Variants in S1PR4 observed in about 807,000 individuals in gnomAD.
The protein encoded by S1PR4 is sphingosine 1-phosphate receptor 4.
Under a neutral mutation model 0.4 loss-of-function variants are expected in S1PR4, and 1 was observed. The observed-to-expected ratio is 2.48, with a 90% CI of 0.88 to 11.76. The LOEUF (loss-of-function observed/expected upper bound fraction) is 11.76, where lower values mean the gene tolerates loss of function less well. Ranked by LOEUF, S1PR4 falls within the 30% of genes most tolerant of loss-of-function variation. The probability of loss-of-function intolerance (pLI) is 0.12; values close to 1 mark genes in which losing one functional copy is unlikely to be tolerated. For missense variants in S1PR4, 595 were observed against 557.8 expected (o/e 1.07, Z -0.67); for synonymous variants, 296 against 266.7 (o/e 1.11, Z -1.07).
chr19:3,180,060 G>C lies in S1PR4; in HGVS notation c.*113G>C. 1.9e-6 allele frequency: 2 copies of C among 1,048,766 alleles called. No homozygotes were observed. Among genetic ancestry groups the C allele is most frequent in the Non-Finnish European group, 2.7e-6 (2 of 741,686 alleles). The allele number at this position is 1,048,766 out of a possible 1,614,324, so 65.0% of individuals were successfully genotyped here. ...CTCGCCTGTATGGGGAGCAGGGAACGGGACAGGCCCCCATGGTCTTCCCGG... is the reference window on the plus strand; with the variant it reads ...CTCGCCTGTATGGGGAGCAGGGAACCGGACAGGCCCCCATGGTCTTCCCGG... On this transcript the variant is annotated 3_prime_UTR_variant, in exon 1 of 1. Transcript: ENST00000246115.
rs149752284 is a variant in S1PR4, at chr19:3,179,716, C to T, written c.924C>T (p.Ser308=). The T allele has an allele frequency of 2.5e-6, 4 of 1,613,086 alleles. No individual in the cohort carries two copies. The African/African-American group carries it at 5.3e-5, about 22-fold the overall frequency. The change falls in exon 1 of 1, where the codon TCC becomes TCT. Residue 308 remains serine (S), a synonymous_variant. Transcript: ENST00000246115. ...CGGCGGTCAACCCCATCATCTACTC[C>T]TTCCGCAGCAGGGAGGTGTGCAGAG... The part of the protein sequence containing the change: ...LNSAVNPIIY[S]FRSREVCRAV...
In S1PR4 at chr19:3,179,047, G is replaced by A; in HGVS notation, c.255G>A (p.Leu85=). 1.9e-6 allele frequency: 3 copies of A among 1,608,106 alleles called. No individual in the cohort carries two copies. Among genetic ancestry groups the A allele is most frequent in the South Asian group, 2.2e-5 (2 of 90,980 alleles). ...MRSRRWVYYC[L]VNITLSDLLT... ...CGCGACGCTGGGTCTACTATTGCCT[G>A]GTGAACATCACGCTGAGTGACCTGC... The change falls in exon 1 of 1, where the codon CTG becomes CTA. Residue 85 remains leucine (L), a synonymous_variant. Transcript: ENST00000246115.
chr19:3,179,887 C>T lies in S1PR4; in HGVS notation c.1095C>T (p.Arg365=). Residue 365 remains arginine, a synonymous_variant, in exon 1 of 1, where the codon CGC becomes CGT. Transcript: ENST00000246115. ...LRPRDSFRGS[R]SLSFRMREPL... ...CAAGGGACAGCTTTCGCGGCTCCCG[C>T]TCGCTCAGCTTTCGGATGCGGGAGC... 6.5e-7 allele frequency: 1 copy of T among 1,528,364 alleles called. No homozygotes were observed. The highest frequency in any genetic ancestry group is 8.8e-7 in the Non-Finnish European group (1 of 1,139,220). 94.7% of individuals were successfully genotyped at this position (1,528,364 alleles called of 1,614,324 possible).
chr19:3,179,618 T>C lies in S1PR4; in HGVS notation c.826T>C (p.Phe276Leu). ...PLFGLLLADV[F>L]GSNLWAQEYL... ...CTTCGGGCTGCTGCTGGCCGACGTC[T>C]TTGGCTCCAACCTCTGGGCCCAGGA... The change falls in exon 1 of 1, where the codon TTT (phenylalanine) becomes CTT (leucine). Residue 276 changes from phenylalanine to leucine, a missense_variant. Transcript: ENST00000246115. The C allele has an allele frequency of 6.2e-7, 1 of 1,613,182 alleles. No homozygotes were observed. Among genetic ancestry groups the C allele is most frequent in the Non-Finnish European group, 8.5e-7 (1 of 1,179,810 alleles).
Position 3,179,387 on chromosome 19 carries a change from C to G in S1PR4, c.595C>G (p.Leu199Val). ...TGACCGCTGCTCCAGCCTTCTGCCC[C>G]TCTACTCCAAGCGCTACATCCTCTT... ...AFDRCSSLLP[L>V]YSKRYILFCL... The change falls in exon 1 of 1, where the codon CTC (leucine) becomes GTC (valine). Residue 199 changes from leucine to valine, a missense_variant. By Grantham distance (32) the Leu-to-Val change is conservative (BLOSUM62 1). Coordinates refer to ENST00000246115, the MANE Select transcript of S1PR4 (RefSeq NM_003775.4). The G allele has an allele frequency of 1.9e-6, 3 of 1,613,348 alleles. No homozygotes were observed. The highest frequency in any genetic ancestry group is 1.1e-5 in the South Asian group (1 of 91,084).
Position 3,179,114 on chromosome 19 carries a change from G to C in S1PR4, c.322G>C (p.Ala108Pro). ...AYLANVLLSG[A>P]RTFRLAPAQW... ...CCTGGCCAACGTGCTGCTGTCGGGGGCCCGCACCTTCCGTCTGGCGCCCGC... is the reference window on the plus strand; with the variant it reads ...CCTGGCCAACGTGCTGCTGTCGGGGCCCCGCACCTTCCGTCTGGCGCCCGC... The change falls in exon 1 of 1, where the codon GCC becomes CCC. Residue 108 changes from alanine (A) to proline (P), a missense_variant. Physicochemically the swap from Ala to Pro is conservative, Grantham distance 27 (BLOSUM62 -1). Coordinates refer to ENST00000246115, the MANE Select transcript of S1PR4 (RefSeq NM_003775.4). The C allele has an allele frequency of 6.2e-7, 1 of 1,611,568 alleles. No homozygotes were observed. The highest frequency in any genetic ancestry group is 8.5e-7 in the Non-Finnish European group (1 of 1,179,774).
At position 3,178,904 on chromosome 19, in the gene S1PR4, C is replaced by A. The variant is rs768321040; in HGVS notation, c.112C>A (p.Arg38Ser). Residue 38 changes from arginine to serine, a missense_variant, in exon 1 of 1, where the codon CGC becomes AGC. By Grantham distance (110) the Arg-to-Ser change is moderately radical (BLOSUM62 -1). Coordinates refer to ENST00000246115, the MANE Select transcript of S1PR4 (RefSeq NM_003775.4). ...CAACCACTCGGGCCGGCTGGCCGGG[C>A]GCGGGGGGCCGGAGGATGGCGGCCT... The part of the protein sequence containing the change: ...HYNHSGRLAG[R>S]GGPEDGGLGA... 1 of 1,522,272 alleles carries A rather than the reference C, an allele frequency of 6.6e-7. No homozygotes were observed. Among genetic ancestry groups the A allele is most frequent in the Non-Finnish European group, 8.8e-7 (1 of 1,140,624 alleles). 94.3% of individuals were successfully genotyped at this position (1,522,272 alleles called of 1,614,324 possible).
Position 3,179,290 on chromosome 19 carries a change from C to G in S1PR4, c.498C>G (p.Ile166Met). The G allele has an allele frequency of 1.2e-6, 2 of 1,607,062 alleles. No individual in the cohort carries two copies. Among genetic ancestry groups the G allele is most frequent in the Non-Finnish European group, 1.7e-6 (2 of 1,176,904 alleles). The change falls in exon 1 of 1, where the codon ATC (isoleucine) becomes ATG (methionine). Residue 166 changes from isoleucine (I) to methionine (M), a missense_variant. Transcript: ENST00000246115. ...ATKTSRVYGF[I>M]GLCWLLAALL... ...AGACCAGCCGCGTCTACGGCTTCAT[C>G]GGCCTCTGCTGGCTGCTGGCCGCGC...
In S1PR4 at chr19:3,179,241, C is replaced by G; in HGVS notation, c.449C>G (p.Pro150Arg). ...GAGCGCTTTGCCACCATGGTGCGGC[C>G]GGTGGCCGAGAGCGGGGCCACCAAG... ...AGERFATMVR[P>R]VAESGATKTS... The change falls in exon 1 of 1, where the codon CCG becomes CGG. Residue 150 changes from proline to arginine, a missense_variant. By Grantham distance (103) the Pro-to-Arg change is moderately radical (BLOSUM62 -2). Transcript: ENST00000246115. 6.3e-7 allele frequency: 1 copy of G among 1,598,574 alleles called. No homozygotes were observed. The highest frequency in any genetic ancestry group is 8.5e-7 in the Non-Finnish European group (1 of 1,172,158).
rs1250764513 is a variant in S1PR4 at position 3,179,172 on chromosome 19, C to T, written c.380C>T (p.Thr127Ile). 4 of 1,610,452 alleles carry T rather than the reference C, an allele frequency of 2.5e-6. No homozygotes were observed. The highest frequency in any genetic ancestry group is 3.3e-5 in the Admixed American group (2 of 59,844). ...TTCCTACGGGAGGGCCTGCTCTTCA[C>T]CGCCCTGGCCGCCTCCACCTTCAGC... ...QWFLREGLLF[T>I]ALAASTFSLL... Residue 127 changes from threonine to isoleucine, a missense_variant, in exon 1 of 1, where the codon ACC becomes ATC. By Grantham distance (89) the Thr-to-Ile change is moderately conservative (BLOSUM62 -1). Coordinates refer to ENST00000246115, the MANE Select transcript of S1PR4 (RefSeq NM_003775.4).
rs1915517415 is a variant in S1PR4 at position 3,179,998 on chromosome 19, G to A, written c.*51G>A. 9.5e-6 allele frequency: 14 copies of A among 1,478,330 alleles called. No homozygotes were observed. The highest frequency in any genetic ancestry group is 2.4e-5 in the Admixed American group (1 of 41,964). The allele number at this position is 1,478,330 out of a possible 1,614,324, so 91.6% of individuals were successfully genotyped here. A position where few individuals can be genotyped will look rare whatever the true frequency, so the allele number is the denominator to read the frequency against. ...GCAGCCACCGGGTGCGTGCCAGGCA[G>A]GCCCTCCTGGGGTACAGGAAGCTGT... On this transcript the variant is annotated 3_prime_UTR_variant, in exon 1 of 1. Transcript: ENST00000246115.
In S1PR4 at chr19:3,179,612, G is replaced by A. The variant is rs781284365; in HGVS notation, c.820G>A (p.Asp274Asn). 19 of 1,613,050 alleles carry A rather than the reference G, an allele frequency of 1.2e-5. No homozygotes were observed. Among genetic ancestry groups the A allele is most frequent in the East Asian group, 2.2e-5 (1 of 44,886 alleles). Reference sequence around the variant, plus strand: ...CCCACTCTTCGGGCTGCTGCTGGCCGACGTCTTTGGCTCCAACCTCTGGGC... The same window carrying A: ...CCCACTCTTCGGGCTGCTGCTGGCCAACGTCTTTGGCTCCAACCTCTGGGC... ...WGPLFGLLLA[D>N]VFGSNLWAQE... The change falls in exon 1 of 1, where the codon GAC (aspartate) becomes AAC (asparagine). Residue 274 changes from aspartate (D) to asparagine (N), a missense_variant. Physicochemically the swap from Asp to Asn is conservative, Grantham distance 23. Coordinates refer to ENST00000246115, the MANE Select transcript of S1PR4 (RefSeq NM_003775.4).
At position 3,178,829 on chromosome 19, in the gene S1PR4, T is replaced by C. The variant is rs1383193128; in HGVS notation, c.37T>C (p.Cys13Arg). 2.0e-6 allele frequency: 3 copies of C among 1,534,376 alleles called. No homozygotes were observed. The highest frequency in any genetic ancestry group is 1.2e-5 in the South Asian group (1 of 83,748). Residue 13 changes from cysteine to arginine, a missense_variant, in exon 1 of 1, where the codon TGC becomes CGC. Coordinates refer to ENST00000246115, the MANE Select transcript of S1PR4 (RefSeq NM_003775.4). ...ATGTPVAPES[C>R]QQLAAGGHSR... ...GGGGACCCCGGTGGCCCCCGAGTCCTGCCAACAGCTGGCGGCCGGCGGGCA... is the reference window on the plus strand; with the variant it reads ...GGGGACCCCGGTGGCCCCCGAGTCCCGCCAACAGCTGGCGGCCGGCGGGCA...
chr19:3,179,827 C>A lies in S1PR4; in HGVS notation c.1035C>A (p.His345Gln). The change falls in exon 1 of 1, where the codon CAC (histidine) becomes CAA (glutamine). Residue 345 changes from histidine (H) to glutamine (Q), a missense_variant. Physicochemically the swap from His to Gln is conservative, Grantham distance 24. Transcript: ENST00000246115. ...GCCTGGCCCGGGCCGTCGAGGCTCA[C>A]TCCGGAGCTTCCACCACCGACAGCT... is the stretch of plus-strand genomic sequence containing the variant. Reference protein sequence around the residue: ...GDCLARAVEAHSGASTTDSSL... With the variant: ...GDCLARAVEAQSGASTTDSSL... 6.3e-7 allele frequency: 1 copy of A among 1,589,228 alleles called. No individual in the cohort carries two copies. Among genetic ancestry groups the A allele is most frequent in the South Asian group, 1.1e-5 (1 of 89,276 alleles).
Position 3,179,505 on chromosome 19 carries a change from C to A in S1PR4, c.713C>A (p.Pro238Gln). 1.2e-6 allele frequency: 2 copies of A among 1,610,536 alleles called. No individual in the cohort carries two copies. The highest frequency in any genetic ancestry group is 8.5e-7 in the Non-Finnish European group (1 of 1,178,566). Residue 238 changes from proline (P) to glutamine (Q), a missense_variant, in exon 1 of 1, where the codon CCA becomes CAA. Physicochemically the swap from Pro to Gln is moderately conservative, Grantham distance 76 (BLOSUM62 -1). Transcript: ENST00000246115. ...GTGCAGGCCAGCGGGCAGAAGGCCC[C>A]ACGCCCAGCGGCCCGCCGCAAGGCC... ...RLVQASGQKA[P>Q]RPAARRKARR...
rs1222055539 is a variant in S1PR4, at chr19:3,180,262, T to C, written c.*315T>C. 2.9e-6 allele frequency: 1 copy of C among 347,486 alleles called. No individual in the cohort carries two copies. Among genetic ancestry groups the C allele is most frequent in the Non-Finnish European group, 5.4e-6 (1 of 183,558 alleles). The allele number at this position is 347,486 out of a possible 1,614,324, so 21.5% of individuals were successfully genotyped here. Reference sequence around the variant, plus strand: ...GTCCCGGCCCCTCTCTGGGCCTCAGTAGGGCTCCCAGGCTGCAAGGGGTGG... The same window carrying C: ...GTCCCGGCCCCTCTCTGGGCCTCAGCAGGGCTCCCAGGCTGCAAGGGGTGG... On this transcript the variant is annotated 3_prime_UTR_variant, in exon 1 of 1. Coordinates refer to ENST00000246115, the MANE Select transcript of S1PR4 (RefSeq NM_003775.4).
In S1PR4 at chr19:3,179,255, G is replaced by C; in HGVS notation, c.463G>C (p.Gly155Arg). 6.3e-7 allele frequency: 1 copy of C among 1,599,170 alleles called. No homozygotes were observed. The highest frequency in any genetic ancestry group is 8.5e-7 in the Non-Finnish European group (1 of 1,172,408). ...CATGGTGCGGCCGGTGGCCGAGAGC[G>C]GGGCCACCAAGACCAGCCGCGTCTA... ...ATMVRPVAESGATKTSRVYGF... is the reference protein window; with the variant it reads ...ATMVRPVAESRATKTSRVYGF... Residue 155 changes from glycine to arginine, a missense_variant, in exon 1 of 1, where the codon GGG (glycine) becomes CGG (arginine). Physicochemically the swap from Gly to Arg is moderately radical, Grantham distance 125. Coordinates refer to ENST00000246115, the MANE Select transcript of S1PR4 (RefSeq NM_003775.4).
In S1PR4 at chr19:3,180,084, G is replaced by A. The variant is rs950129716; in HGVS notation, c.*137G>A. The stretch of plus-strand genomic sequence containing the variant: ...CGGGACAGGCCCCCATGGTCTTCCC[G>A]GTGGCCTCTCGGGGCTTCTGACGCC... On this transcript the variant is annotated 3_prime_UTR_variant, in exon 1 of 1. Coordinates refer to ENST00000246115, the MANE Select transcript of S1PR4 (RefSeq NM_003775.4). The A allele has an allele frequency of 5.4e-5, 45 of 840,220 alleles. No homozygotes were observed. The highest frequency in any genetic ancestry group is 1.2e-4 in the African/African-American group (7 of 56,276). The allele number at this position is 840,220 out of a possible 1,614,324, so 52.0% of individuals were successfully genotyped here.
Position 3,179,650 on chromosome 19 carries a change from G to C in S1PR4, c.858G>C (p.Leu286=). 6.2e-7 allele frequency: 1 copy of C among 1,613,410 alleles called. No homozygotes were observed. Among genetic ancestry groups the C allele is most frequent in the Non-Finnish European group, 8.5e-7 (1 of 1,179,932 alleles). The change falls in exon 1 of 1, where the codon CTG becomes CTC. Residue 286 remains leucine (L), a synonymous_variant. Coordinates refer to ENST00000246115, the MANE Select transcript of S1PR4 (RefSeq NM_003775.4). The part of the protein sequence containing the change: ...FGSNLWAQEY[L]RGMDWILALA... Reference sequence around the variant, plus strand: ...CCAACCTCTGGGCCCAGGAGTACCTGCGGGGCATGGACTGGATCCTGGCCC... The same window carrying C: ...CCAACCTCTGGGCCCAGGAGTACCTCCGGGGCATGGACTGGATCCTGGCCC...
Sources: allele counts gnomAD v4.1 joint callset, GRCh38; gene constraint gnomAD v4.1.1; transcripts MANE v1.5; gene names NCBI Gene and HGNC (gene_info 2026-07-23, HGNC 2026-07-21).